CRYBG1: variants seen among roughly 807,000 people sequenced by gnomAD.
CRYBG1 encodes crystallin beta-gamma domain containing 1.
CRYBG1 carries 139 observed loss-of-function variants against 189.2 expected under a neutral mutation model. That is an observed-to-expected ratio of 0.73 (90% CI 0.64 to 0.85). CRYBG1 has a LOEUF of 0.85. Ranked by LOEUF, CRYBG1 falls within the 40% of genes least tolerant of loss-of-function variation. The pLI is 0.00. For synonymous variants in CRYBG1, 1,023 were observed against 1,017.1 expected, an observed-to-expected ratio of 1.01 and a Z score of -0.11; for missense variants, 2,611 against 2,675.8, an observed-to-expected ratio of 0.98 and a Z score of 0.53.
chr6:106,430,497 A>G (rs1194655332), intron 1 of CRYBG1, among the ~76,000 whole-genome samples: 1 of 152,160 alleles, frequency 6.6e-6, no homozygotes, highest in Admixed American at 6.5e-5. Context: ...CTACCCCCAC[A>G]TTTGGCGAAC....
chr6:106,532,755 G>T (rs1254717067), intron 8 of CRYBG1, among the ~76,000 whole-genome samples: 1 of 151,938 alleles, frequency 6.6e-6, no homozygotes, highest in African/African-American at 2.4e-5. Flanking sequence ...TATATCATTT[G>T]GTACCCCGTA....
At chr6:106,454,490 T>C (rs1445814073) in intron 2 of CRYBG1, among the ~76,000 whole-genome samples, 1 of 152,164 alleles carries the variant, frequency 6.6e-6, no homozygotes, top group Non-Finnish European at 1.5e-5. Context: ...TCCCATACAT[T>C]CCAAATTACC....
At chr6:106,386,859 C>T (rs803530) in intron 1 of CRYBG1, among the ~76,000 whole-genome samples, 57,628 of 152,046 alleles carry the variant, frequency 0.38, 11,160 homozygotes, top group South Asian at 0.52. Context: ...GACCACTATC[C>T]GTCCATGGCC....
At chr6:106,493,198 T>C (rs924048036) in intron 2 of CRYBG1, among the ~76,000 whole-genome samples, 3 of 152,172 alleles carry the variant, frequency 2.0e-5, no homozygotes, top group Admixed American at 2.0e-4. Flanking sequence ...GGCAAAAGAC[T>C]TGAATGACAT....
chr6:106,506,340 C>A (rs1370166596), intron 2 of CRYBG1, among the ~76,000 whole-genome samples: 4 of 151,744 alleles, frequency 2.6e-5, no homozygotes, highest in Non-Finnish European at 4.4e-5. Context: ...TCTCAAGGAG[C>A]TTACATTCAC....
At position 106,506,577 on chromosome 6, in the gene CRYBG1, T is replaced by C. The variant is rs577824644; in HGVS notation, c.313-4853T>C. Reference sequence around the variant, plus strand: ...AAGCAATTCTTCTGCTTCAGCCTCCTGAGTAGCTGGGATTACAAGCAACCA... The same window carrying C: ...AAGCAATTCTTCTGCTTCAGCCTCCCGAGTAGCTGGGATTACAAGCAACCA... On this transcript the variant is annotated intron_variant, in intron 2 of 21. Transcript: ENST00000633556. Among the ~76,000 whole-genome samples the C allele has an allele frequency of 1.3e-3, 190 of 150,820 alleles. 1 individual carries two copies. The highest frequency in any genetic ancestry group is 4.0e-3 in the African/African-American group (163 of 41,160).
chr6:106,527,988 G>T (rs554311943), intron 7 of CRYBG1, among the ~76,000 whole-genome samples: 3 of 152,328 alleles, frequency 2.0e-5, no homozygotes, highest in South Asian at 2.1e-4. Flanking sequence ...GATGAGGAAA[G>T]TGTTGTCAGA....
chr6:106,447,416 A>G (rs186175210), intron 1 of CRYBG1, among the ~76,000 whole-genome samples: 6 of 152,234 alleles, frequency 3.9e-5, no homozygotes, highest in African/African-American at 1.4e-4. Context: ...GTAATTGTAC[A>G]CTTAAAAATA....
chr6:106,517,433 C>CATATAT (rs1773462288), intron 3 of CRYBG1, among the ~76,000 whole-genome samples: 1 of 84,468 alleles, frequency 1.2e-5, no homozygotes, highest in African/African-American at 5.4e-5. Flanking sequence ...TATATATACA[C>CATATAT]ACACACATAT....
chr6:106,372,108 C>T (rs1770050530), intron 1 of CRYBG1, among the ~76,000 whole-genome samples: 1 of 152,194 alleles, frequency 6.6e-6, no homozygotes, highest in African/African-American at 2.4e-5. Context: ...ACATTGGCTA[C>T]AATTCCACTA....
chr6:106,568,013 G>A (rs575229086), intron 21 of CRYBG1, among the ~76,000 whole-genome samples: 36 of 144,232 alleles, frequency 2.5e-4, no homozygotes, highest in Admixed American at 2.0e-3. Flanking sequence ...GCTGTTCCTC[G>A]ATAACCATTC....
intron 2 of CRYBG1, among the ~76,000 whole-genome samples, chr6:106,476,258 G>T (rs1167333190): frequency 6.6e-6 from 1 of 152,178 alleles, no homozygotes; most frequent in Non-Finnish European, 1.5e-5. Flanking sequence ...TCACACGGGT[G>T]GGGTGAGCAG....
intron 13 of CRYBG1, among the ~76,000 whole-genome samples, chr6:106,548,922 T>G (rs1774332255): frequency 8.3e-6 from 1 of 120,486 alleles, no homozygotes; most frequent in Non-Finnish European, 1.6e-5. Context: ...GTCCCCGGTG[T>G]GTGATGTTCC....
rs113457769 is a variant in CRYBG1, at chr6:106,403,285, T to G, written c.173+42204T>G. 4.2e-3 allele frequency among the ~76,000 whole-genome samples: 642 copies of G among 152,232 alleles called. 8 individuals are homozygous for G. The highest frequency in any genetic ancestry group is 0.016 in the South Asian group (77 of 4,818). Reference sequence around the variant, plus strand: ...CCAAGGCTACAGTGAGCTATGATGGTTCCACTGCACTCCAGTCTGGCTGAC... The same window carrying G: ...CCAAGGCTACAGTGAGCTATGATGGGTCCACTGCACTCCAGTCTGGCTGAC... On this transcript the variant is annotated intron_variant, in intron 1 of 21. Coordinates refer to ENST00000633556, the MANE Select transcript of CRYBG1 (RefSeq NM_001371242.2).
chr6:106,440,245 T>C (rs1005931643), intron 1 of CRYBG1, among the ~76,000 whole-genome samples: 7 of 90,506 alleles, frequency 7.7e-5, no homozygotes, highest in African/African-American at 2.1e-4. Flanking sequence ...CCTTTCTTCC[T>C]CTCTCTCTCT....
chr6:106,484,161 C>T lies in CRYBG1; in HGVS notation c.313-27269C>T, dbSNP rs372327016. 4.6e-5 allele frequency among the ~76,000 whole-genome samples: 7 copies of T among 152,230 alleles called. No individual in the cohort carries two copies. In the South Asian group the frequency reaches 1.2e-3, roughly 27 times the overall value. On this transcript the variant is annotated intron_variant, in intron 2 of 21. Coordinates refer to ENST00000633556, the MANE Select transcript of CRYBG1 (RefSeq NM_001371242.2). ...TGAGAATCAGTTGGCTATAAGTGCA[C>T]AAATTTTGGGGGGGCACTATATTTT...
rs1357067809 is a variant in CRYBG1 at position 106,512,325 on chromosome 6, G to A, written c.1208G>A (p.Cys403Tyr). The stretch of plus-strand genomic sequence containing the variant: ...GTGATTACTCCCAGAGCGGAAGATT[G>A]CGGTGACTGGGACGACATGGAGAAG... ...PVVITPRAED[C>Y]GDWDDMEKRS... The change falls in exon 3 of 22, where the codon TGC (cysteine) becomes TAC (tyrosine). Residue 403 changes from cysteine to tyrosine, a missense_variant. Coordinates refer to ENST00000633556, the MANE Select transcript of CRYBG1 (RefSeq NM_001371242.2). 2 of 1,608,050 alleles carry A rather than the reference G, an allele frequency of 1.2e-6. No homozygotes were observed. The highest frequency in any genetic ancestry group is 1.7e-6 in the Non-Finnish European group (2 of 1,178,292).
Position 106,571,933 on chromosome 6 carries a change from A to C in CRYBG1, c.*3367A>C. 8.8e-7 allele frequency: 1 copy of C among 1,133,528 alleles called. No homozygotes were observed. The highest frequency in any genetic ancestry group is 1.3e-6 in the Non-Finnish European group (1 of 756,570). The allele number at this position is 1,133,528 out of a possible 1,614,324, so 70.2% of individuals were successfully genotyped here. A position where few individuals can be genotyped will look rare whatever the true frequency, so the allele number is the denominator to read the frequency against. ...ATGTTTGAAAGGGATGGCTAGAAAA[A>C]AATTTGGGCTCACAGGCACTCACCA... On this transcript the variant is annotated 3_prime_UTR_variant, in exon 22 of 22. Transcript: ENST00000633556.
chr6:106,427,250 A>G (rs949072950), intron 1 of CRYBG1, among the ~76,000 whole-genome samples: 4 of 152,226 alleles, frequency 2.6e-5, no homozygotes, highest in Admixed American at 6.5e-5. Context: ...CACATGTGTC[A>G]AACAGCCTTC....
Sources: allele counts gnomAD v4.1 joint callset (sites outside exome capture counted in the v4.1 genomes callset), GRCh38; gene constraint gnomAD v4.1.1; transcripts MANE v1.5; gene names NCBI Gene and HGNC (gene_info 2026-07-23, HGNC 2026-07-21).